The following FDX1 variants were observed in gnomAD, a reference collection of about 807,000 sequenced individuals.
FDX1 encodes the protein ferredoxin 1, also known as adrenodoxin, mitochondrial.
In FDX1, 9 loss-of-function variants were observed where a neutral mutation model predicts 14.9. That is an observed-to-expected ratio of 0.60 (90% CI 0.36 to 1.05). FDX1 has a LOEUF of 1.05. Among genes scored for constraint, FDX1 ranks in the 50% least tolerant of loss-of-function variants. The probability of loss-of-function intolerance (pLI) is 0.01; values close to 1 mark genes in which losing one functional copy is unlikely to be tolerated. For missense variants in FDX1, 204 were observed against 237.2 expected, an observed-to-expected ratio of 0.86 and a Z score of 0.92; for synonymous variants, 92 against 99.4, an observed-to-expected ratio of 0.93 and a Z score of 0.44.
rs539797609 is a variant in FDX1, at chr11:110,434,984, G to A, written c.186-850G>A. 2.6e-5 allele frequency among the ~76,000 whole-genome samples: 4 copies of A among 151,866 alleles called. No homozygotes were observed. In the South Asian group the frequency reaches 8.3e-4, roughly 32 times the overall value. On this transcript the variant is annotated intron_variant, in intron 1 of 3. Coordinates refer to ENST00000260270, the MANE Select transcript of FDX1 (RefSeq NM_004109.5). ...TGCTCAGGCTGGTCTCAAACTCCTG[G>A]GCTCAAGCAGTCCCCTGCCTCGGCC...
Position 110,435,842 on chromosome 11 carries a change from A to G in FDX1, c.194A>G (p.Asp65Gly). ...ACTGTTTTTTTTTCCAGCTCAGAAG[A>G]TAAAATAACAGTCCACTTTATAAAC... ...VSARARSSSE[D>G]KITVHFINRD... is the part of the protein sequence containing the mutation. Residue 65 changes from aspartate to glycine, a missense_variant, in exon 2 of 4, where the codon GAT (aspartate) becomes GGT (glycine). Coordinates refer to ENST00000260270, the MANE Select transcript of FDX1 (RefSeq NM_004109.5). The G allele has an allele frequency of 6.3e-7, 1 of 1,596,788 alleles. No individual in the cohort carries two copies. The highest frequency in any genetic ancestry group is 8.5e-7 in the Non-Finnish European group (1 of 1,172,124).
chr11:110,437,931 G>C (rs1214483377), intron 2 of FDX1, among the ~76,000 whole-genome samples: 1 of 152,186 alleles, frequency 6.6e-6, no homozygotes, highest in Non-Finnish European at 1.5e-5. Flanking sequence ...TAATGGCCTT[G>C]AGCTGTATCC....
Position 110,463,851 on chromosome 11 carries a change from T to C in FDX1, c.*1383T>C, listed in dbSNP as rs1227605295. The stretch of plus-strand genomic sequence containing the variant: ...AAACTAATTCATATGTAAAAAGTGA[T>C]TAGGAAGAACTTGAAGTATCATTTG... On this transcript the variant is annotated 3_prime_UTR_variant, in exon 4 of 4. Transcript: ENST00000260270. The C allele has an allele frequency of 6.6e-6, 1 of 152,098 alleles. No individual in the cohort carries two copies. Among genetic ancestry groups the C allele is most frequent in the Non-Finnish European group, 1.5e-5 (1 of 68,012 alleles). 9.4% of individuals were successfully genotyped at this position (152,098 alleles called of 1,614,324 possible). A position where few individuals can be genotyped will look rare whatever the true frequency, so the allele number is the denominator to read the frequency against.
intron 2 of FDX1, among the ~76,000 whole-genome samples, chr11:110,447,372 C>T (rs1423052767): frequency 6.7e-6 from 1 of 149,862 alleles, no homozygotes. Context: ...GAGAATTCCT[C>T]GAACCAGGGA....
chr11:110,461,868 A>G (rs1409818671), intron 3 of FDX1, among the ~76,000 whole-genome samples: 1 of 152,236 alleles, frequency 6.6e-6, no homozygotes, highest in Non-Finnish European at 1.5e-5. Flanking sequence ...ATTTGAGAAA[A>G]AATATGCTCT....
chr11:110,450,804 A>ATC (rs897761884), intron 2 of FDX1, among the ~76,000 whole-genome samples: 6 of 152,310 alleles, frequency 3.9e-5, no homozygotes, highest in Non-Finnish European at 8.8e-5. Context: ...GTGTATATCC[A>ATC]TGTATATATA....
chr11:110,439,584 G>GGGA (rs1946392861), intron 2 of FDX1, among the ~76,000 whole-genome samples: 1 of 152,158 alleles, frequency 6.6e-6, no homozygotes, highest in Non-Finnish European at 1.5e-5. Context: ...CTGGATATTA[G>GGGA]ACCTTTGTTG....
intron 2 of FDX1, among the ~76,000 whole-genome samples, chr11:110,445,412 T>G (rs1591250497): frequency 6.6e-6 from 1 of 152,206 alleles, no homozygotes; most frequent in Non-Finnish European, 1.5e-5. Context: ...ACAGTTTTTT[T>G]TAAACCGCAG....
intron 2 of FDX1, among the ~76,000 whole-genome samples, chr11:110,441,959 G>C (rs1314474332): frequency 6.6e-6 from 1 of 152,194 alleles, no homozygotes; most frequent in Non-Finnish European, 1.5e-5. Flanking sequence ...TTGGTGCTCT[G>C]TGTCCCAGCT....
intron 3 of FDX1, 119 bp from the exon 4 acceptor site, chr11:110,462,235 G>C: frequency 3.9e-6 from 2 of 510,014 alleles, no homozygotes; most frequent in Non-Finnish European, 7.0e-6. Flanking sequence ...AATTTAAAAG[G>C]TTAATAAGTT....
intron 2 of FDX1, among the ~76,000 whole-genome samples, chr11:110,438,607 G>A (rs1255292249): frequency 4.6e-5 from 7 of 151,828 alleles, no homozygotes; most frequent in Non-Finnish European, 5.9e-5. Flanking sequence ...TATATTTTTA[G>A]TAGTTTTATA....
chr11:110,430,087 C>A lies in FDX1; in HGVS notation c.-34C>A. 8.2e-7 allele frequency: 1 copy of A among 1,214,754 alleles called. No homozygotes were observed. The highest frequency in any genetic ancestry group is 3.8e-5 in the South Asian group (1 of 26,128). 75.2% of individuals were successfully genotyped at this position (1,214,754 alleles called of 1,614,324 possible). ...GTCTCTCGCGGCCTCAAAGCGCGGC[C>A]TGCGTCGCTTCCGGCAGTTCCCGAC... On this transcript the variant is annotated 5_prime_UTR_variant, in exon 1 of 4. The change creates a new upstream start codon in the 5' untranslated region. Transcript: ENST00000260270.
intron 2 of FDX1, among the ~76,000 whole-genome samples, chr11:110,443,509 C>T (rs1380149033): frequency 5.4e-5 from 8 of 147,744 alleles, no homozygotes; most frequent in South Asian, 2.1e-4. Context: ...GGCACGATCT[C>T]GGCTCATTGC....
At chr11:110,443,484 A>G (rs1192478244) in intron 2 of FDX1, among the ~76,000 whole-genome samples, 1 of 130,064 alleles carries the variant, frequency 7.7e-6, no homozygotes, top group Non-Finnish European at 1.6e-5. Flanking sequence ...CTTTTTGCCC[A>G]GGCTGGAATG....
intron 1 of FDX1, among the ~76,000 whole-genome samples, chr11:110,434,081 A>C (rs989966062): frequency 6.6e-6 from 1 of 152,210 alleles, no homozygotes; most frequent in African/African-American, 2.4e-5. Flanking sequence ...ATGGCTTCTC[A>C]AATTTTGGAG....
At chr11:110,444,291 G>C (rs1390471751) in intron 2 of FDX1, among the ~76,000 whole-genome samples, 1 of 152,026 alleles carries the variant, frequency 6.6e-6, no homozygotes, top group Non-Finnish European at 1.5e-5. Context: ...AGGCATCCCA[G>C]CACCATTATT....
At chr11:110,433,715 C>T (rs1477227913) in intron 1 of FDX1, among the ~76,000 whole-genome samples, 2 of 146,316 alleles carry the variant, frequency 1.4e-5, no homozygotes, top group African/African-American at 5.2e-5. Flanking sequence ...AGAGCGCAGG[C>T]CCTTTTGAGG....
chr11:110,438,056 T>C (rs921248828), intron 2 of FDX1, among the ~76,000 whole-genome samples: 1 of 152,234 alleles, frequency 6.6e-6, no homozygotes, highest in Non-Finnish European at 1.5e-5. Context: ...ACTGATTCCA[T>C]ATGTTTGCTA....
rs1234517629 is a variant in FDX1, at chr11:110,462,857, G to A, written c.*389G>A. ...CAGAGATCTAACCTGGCTTGTTTAG[G>A]GCCATACCACTAATTAGAAAATCTG... On this transcript the variant is annotated 3_prime_UTR_variant, in exon 4 of 4. Coordinates refer to ENST00000260270, the MANE Select transcript of FDX1 (RefSeq NM_004109.5). 6.2e-6 allele frequency: 1 copy of A among 160,478 alleles called. No homozygotes were observed. Among genetic ancestry groups the A allele is most frequent in the Admixed American group, 6.1e-5 (1 of 16,456 alleles). The allele number at this position is 160,478 out of a possible 1,614,324, so 9.9% of individuals were successfully genotyped here. A position where few individuals can be genotyped will look rare whatever the true frequency, so the allele number is the denominator to read the frequency against.
Sources: allele counts gnomAD v4.1 joint callset (sites outside exome capture counted in the v4.1 genomes callset), GRCh38; gene constraint gnomAD v4.1.1; transcripts MANE v1.5; gene names NCBI Gene and HGNC (gene_info 2026-07-23, HGNC 2026-07-21).